IL2RB: variants seen among roughly 807,000 people sequenced by gnomAD.
The protein encoded by IL2RB is interleukin 2 receptor subunit beta.
A neutral mutation model predicts 44.2 loss-of-function variants in IL2RB; 17 were observed. The ratio of observed to expected loss-of-function variants is 0.38; its 90% CI spans 0.26 to 0.58. IL2RB has a LOEUF of 0.58. IL2RB is among the 20% of genes least tolerant of loss of function. The probability of loss-of-function intolerance (pLI) is 0.63; values close to 1 mark genes in which losing one functional copy is unlikely to be tolerated. For missense variants in IL2RB, 624 were observed against 685.5 expected, an observed-to-expected ratio of 0.91 and a Z score of 1.00; for synonymous variants, 286 against 297.9, an observed-to-expected ratio of 0.96 and a Z score of 0.41.
At chr22:37,152,747 CT>C (rs1233718484), upstream of IL2RB, among the ~76,000 whole-genome samples, 1 of 151,472 alleles carries the variant, frequency 6.6e-6, no homozygotes, top group Non-Finnish European at 1.5e-5. Flanking sequence ...GCTCAGGGCT[CT>C]TTTTTTTAAA....
intron 3 of IL2RB, 181 bp from the exon 4 acceptor site, chr22:37,142,693 T>G: frequency 2.8e-6 from 2 of 718,664 alleles, no homozygotes; most frequent in Non-Finnish European, 5.2e-6. Context: ...CATTCCTCCC[T>G]CATGGGCACC....
chr22:37,133,688 A>G, intron 8 of IL2RB, among the ~76,000 whole-genome samples: 1 of 152,210 alleles, frequency 6.6e-6, no homozygotes, highest in East Asian at 1.9e-4. Context: ...ACAGAGGGCG[A>G]AGTGGATCCT....
intron 3 of IL2RB, 99 bp from the exon 4 acceptor site, chr22:37,142,611 G>A (rs1213836456): frequency 8.6e-6 from 11 of 1,274,148 alleles, no homozygotes; most frequent in Admixed American, 1.8e-5. Flanking sequence ...GATGGCACCA[G>A]GCAGCAAGGC....
chr22:37,139,247 G>A, intron 4 of IL2RB, 25 bp from the exon 5 acceptor site: 1 of 1,528,196 alleles, frequency 6.5e-7, no homozygotes, highest in Non-Finnish European at 9.0e-7. Flanking sequence ...GGGCAGGGGT[G>A]AAACTTCTAG....
chr22:37,138,857 A>T (rs898062378), intron 5 of IL2RB, among the ~76,000 whole-genome samples: 7 of 152,192 alleles, frequency 4.6e-5, no homozygotes, highest in Non-Finnish European at 7.4e-5. Flanking sequence ...GGGTTTGGAG[A>T]GTTGGCCTTT....
In IL2RB at chr22:37,143,417, A is replaced by T. The variant is rs1241900823; in HGVS notation, c.203+104T>A. ...ATTCAAAAAGTCTGTGGGTCCCATT[A>T]GTCCAAGATTCTGTAAACGTTGACT... On this transcript the variant is annotated intron_variant, in intron 3 of 9. Coordinates refer to ENST00000216223, the MANE Select transcript of IL2RB (RefSeq NM_000878.5). The T allele has an allele frequency of 4.2e-6, 3 of 719,128 alleles. No individual in the cohort carries two copies. In the African/African-American group the frequency reaches 5.3e-5, roughly 13 times the overall value. The allele number at this position is 719,128 out of a possible 1,614,324, so 44.5% of individuals were successfully genotyped here. A position where few individuals can be genotyped will look rare whatever the true frequency, so the allele number is the denominator to read the frequency against.
At chr22:37,166,329 G>T (rs989873856) in intron 1 of IL2RB, among the ~76,000 whole-genome samples, 2 of 148,688 alleles carry the variant, frequency 1.3e-5, no homozygotes, top group Non-Finnish European at 3.0e-5. Context: ...ACAGCCACAC[G>T]CCCCCTTTGA....
intron 1 of IL2RB, chr22:37,166,733 C>G (rs1011235273): frequency 6.6e-6 from 1 of 152,202 alleles, no homozygotes; most frequent in Non-Finnish European, 1.5e-5. Context: ...CCAGCCTCCT[C>G]GAGACTTGTG....
chr22:37,167,276 C>T (rs1381967716), intron 1 of IL2RB, among the ~76,000 whole-genome samples: 1 of 152,100 alleles, frequency 6.6e-6, no homozygotes, highest in African/African-American at 2.4e-5. Flanking sequence ...CCAGCTCTGA[C>T]TGCCTCCAAG....
In IL2RB at chr22:37,128,873, G is replaced by A. The variant is rs1569040131; in HGVS notation, c.904-25C>T. 1.9e-6 allele frequency: 3 copies of A among 1,571,162 alleles called. No individual in the cohort carries two copies. Among genetic ancestry groups the A allele is most frequent in the Admixed American group, 1.7e-5 (1 of 57,556 alleles). On this transcript the variant is annotated intron_variant, in intron 9 of 9. Transcript: ENST00000216223. This position sits in a 1 kb window ranked among gnomAD's most constrained non-coding sequence, Gnocchi z 4.5. ...TCTGGTGGGAGAAAGGCCAGGGGTG[G>A]GTGAGTGGGGGCTTCCTTCACCCTC... is the stretch of plus-strand genomic sequence containing the variant.
chr22:37,171,658 T>C (rs1188166898), intron 1 of IL2RB, among the ~76,000 whole-genome samples: 7 of 152,196 alleles, frequency 4.6e-5, no homozygotes, highest in Admixed American at 3.3e-4. Context: ...TGCGAGGCAA[T>C]TTATAACTCC....
rs1200871329 is a variant in IL2RB, at chr22:37,128,531, G to T, written c.1221C>A (p.Pro407=). The T allele has an allele frequency of 1.9e-6, 3 of 1,613,402 alleles. No homozygotes were observed. The highest frequency in any genetic ancestry group is 2.5e-6 in the Non-Finnish European group (3 of 1,179,526). The change falls in exon 10 of 10, where the codon CCC becomes CCA. Residue 407 remains proline (P), a synonymous_variant. Coordinates refer to ENST00000216223, the MANE Select transcript of IL2RB (RefSeq NM_000878.5). The surrounding 1 kb of genome is among the most constrained non-coding windows in gnomAD (Gnocchi z 4.5). Reference sequence around the variant, plus strand: ...CGTCCTCCCCTGACAGAGGCTGCAGGGGTTGGGGGGAAGACCCTGTGGGTG... The same window carrying T: ...CGTCCTCCCCTGACAGAGGCTGCAGTGGTTGGGGGGAAGACCCTGTGGGTG... ...AGAPTGSSPQ[P]LQPLSGEDDA...
intron 1 of IL2RB, among the ~76,000 whole-genome samples, chr22:37,171,174 G>A (rs1185554636): frequency 1.3e-5 from 2 of 152,118 alleles, no homozygotes; most frequent in African/African-American, 2.4e-5. Context: ...GTAAAGACAG[G>A]GTTTCACCAT....
At chr22:37,153,426 A>C (rs1352505861), upstream of IL2RB, among the ~76,000 whole-genome samples, 1 of 152,156 alleles carries the variant, frequency 6.6e-6, no homozygotes, top group Non-Finnish European at 1.5e-5. Context: ...GCTGTGACTT[A>C]GGCCTCCCTG....
chr22:37,169,253 C>CT (rs1189836958), intron 1 of IL2RB, among the ~76,000 whole-genome samples: 59 of 145,266 alleles, frequency 4.1e-4, no homozygotes, highest in African/African-American at 1.5e-3. Flanking sequence ...CAGAGGGGTT[C>CT]TGTTTACAGA....
chr22:37,173,549 G>A (rs1387572427), intron 1 of IL2RB, among the ~76,000 whole-genome samples: 1 of 152,106 alleles, frequency 6.6e-6, no homozygotes, highest in Non-Finnish European at 1.5e-5. Context: ...AACATTTATA[G>A]AGCACCTCCT....
rs894719598 is a variant in IL2RB at position 37,141,294 on chromosome 22, C to T, written c.282+1140G>A. On this transcript the variant is annotated intron_variant, in intron 4 of 9. Coordinates refer to ENST00000216223, the MANE Select transcript of IL2RB (RefSeq NM_000878.5). The surrounding 1 kb of genome is among the most constrained non-coding windows in gnomAD (Gnocchi z 4.4). ...GGAGCACGCAGGAGACCCACCCTCC[C>T]GGGCACAGCTGCAGCTACCCAAGTT... Among the ~76,000 whole-genome samples, 3 of 152,048 alleles carry T rather than the reference C, an allele frequency of 2.0e-5. No individual in the cohort carries two copies. The highest frequency in any genetic ancestry group is 6.5e-5 in the Admixed American group (1 of 15,270).
At chr22:37,132,594 G>A (rs1036743457) in intron 8 of IL2RB, 126 bp from the exon 9 acceptor site, 33 of 671,212 alleles carry the variant, frequency 4.9e-5, no homozygotes, top group Middle Eastern at 3.6e-4. Flanking sequence ...TATTTCTTCC[G>A]CCGATACTAA....
chr22:37,145,492 G>A (rs920554510), intron 1 of IL2RB, among the ~76,000 whole-genome samples: 1 of 151,870 alleles, frequency 6.6e-6, no homozygotes, highest in Non-Finnish European at 1.5e-5. Context: ...GGAAGCTCCC[G>A]TGAGGCAAGA....
Sources: gnomAD v4.1 joint callset for allele counts (sites outside exome capture counted in the v4.1 genomes callset) on GRCh38, gnomAD v4.1.1 for gene constraint, Gnocchi (gnomAD v3.1) non-coding constraint, MANE v1.5 for transcripts, NCBI Gene and HGNC (gene_info 2026-07-23, HGNC 2026-07-21) for gene names.